SLK: variants seen among roughly 807,000 people sequenced by gnomAD.
The protein encoded by SLK is STE20 like kinase.
In SLK, 67 loss-of-function variants were observed where a neutral mutation model predicts 147.7. The ratio of observed to expected loss-of-function variants is 0.45; its 90% CI spans 0.37 to 0.56. The LOEUF (loss-of-function observed/expected upper bound fraction) is 0.56, where lower values mean the gene tolerates loss of function less well. SLK is among the 20% of genes least tolerant of loss of function. SLK has a pLI of 0.00. For missense variants in SLK, 1,136 were observed against 1,438.8 expected, an observed-to-expected ratio of 0.79 and a Z score of 3.41; for synonymous variants, 441 against 475.0, an observed-to-expected ratio of 0.93 and a Z score of 0.93.
At chr10:104,009,178 A>G (rs1406570998) in intron 12 of SLK, among the ~76,000 whole-genome samples, 2 of 152,144 alleles carry the variant, frequency 1.3e-5, no homozygotes, top group African/African-American at 4.8e-5. Context: ...ATTTATTAAC[A>G]TCTTCAGTAT....
chr10:104,004,965 A>G (rs1160630129), intron 9 of SLK, among the ~76,000 whole-genome samples: 14 of 152,228 alleles, frequency 9.2e-5, no homozygotes, highest in Middle Eastern at 3.4e-3. Context: ...AATCATACAT[A>G]TATCTCTGGC....
At chr10:103,969,416 A>G (rs1843764246) in intron 1 of SLK, among the ~76,000 whole-genome samples, 1 of 152,226 alleles carries the variant, frequency 6.6e-6, no homozygotes, top group Non-Finnish European at 1.5e-5. Flanking sequence ...CATGGCTATT[A>G]TAGCACTTGT....
intron 2 of SLK, 37 bp downstream of exon 2, chr10:103,990,876 A>C: frequency 7.6e-7 from 1 of 1,313,578 alleles, no homozygotes; most frequent in South Asian, 1.8e-5. Context: ...AGTAGCCAAA[A>C]TGAGTTAATT....
At chr10:103,985,295 C>A (rs779894468) in intron 1 of SLK, among the ~76,000 whole-genome samples, 1 of 152,134 alleles carries the variant, frequency 6.6e-6, no homozygotes, top group Non-Finnish European at 1.5e-5. Context: ...GGCTGTATTA[C>A]GTTTCTTTTC....
intron 13 of SLK, among the ~76,000 whole-genome samples, chr10:104,016,185 G>A (rs374071291): frequency 3.3e-5 from 5 of 152,064 alleles, no homozygotes; most frequent in Non-Finnish European, 7.4e-5. Context: ...TGGGCGTGGT[G>A]GTGGGCGCCT....
intron 1 of SLK, among the ~76,000 whole-genome samples, chr10:103,986,187 G>A (rs1844009952): frequency 6.6e-6 from 1 of 152,018 alleles, no homozygotes; most frequent in African/African-American, 2.4e-5. Context: ...ATTCAAGTGT[G>A]TTATGTTTAT....
chr10:104,016,282 G>A (rs944736735), intron 13 of SLK, among the ~76,000 whole-genome samples: 5 of 151,498 alleles, frequency 3.3e-5, no homozygotes, highest in Non-Finnish European at 5.9e-5. Context: ...CCGTGCCACT[G>A]CATTCCAGCC....
intron 1 of SLK, among the ~76,000 whole-genome samples, chr10:103,970,815 G>C (rs1843783023): frequency 6.6e-6 from 1 of 152,194 alleles, no homozygotes; most frequent in Non-Finnish European, 1.5e-5. Context: ...AGATGAGGTT[G>C]AGTATCCCAT....
rs139854509 is a variant in SLK at position 104,023,081 on chromosome 10, G to A, written c.3561+1348G>A. ...CACCCTAGTTGAACTAGTTGACAGT[G>A]GTCACAAGTGAGTTGCTAATAGTCA... On this transcript the variant is annotated intron_variant, in intron 18 of 18. Coordinates refer to ENST00000369755, the MANE Select transcript of SLK (RefSeq NM_014720.4). Among the ~76,000 whole-genome samples the A allele has an allele frequency of 4.6e-3, 693 of 152,284 alleles. 3 individuals are homozygous for A. The highest frequency in any genetic ancestry group is 0.017 in the Middle Eastern group (5 of 294).
In SLK at chr10:103,990,699, T is replaced by C. The variant is rs1844080901; in HGVS notation, c.175T>C (p.Leu59=). The change falls in exon 2 of 19, where the codon TTA becomes CTA. Residue 59 remains leucine, a synonymous_variant. Coordinates refer to ENST00000369755, the MANE Select transcript of SLK (RefSeq NM_014720.4). ...GGCCCAGAATAAAGAGACCAGTGTTTTAGCTGCTGCAAAAGTGATTGACAC... is the reference window on the plus strand; with the variant it reads ...GGCCCAGAATAAAGAGACCAGTGTTCTAGCTGCTGCAAAAGTGATTGACAC... ...YKAQNKETSV[L]AAAKVIDTKS... is the part of the protein sequence containing the mutation. The C allele has an allele frequency of 3.2e-6, 5 of 1,568,190 alleles. No individual in the cohort carries two copies. The highest frequency in any genetic ancestry group is 3.4e-6 in the Non-Finnish European group (4 of 1,161,486).
At chr10:103,969,500 C>A (rs1843765211) in intron 1 of SLK, among the ~76,000 whole-genome samples, 1 of 152,184 alleles carries the variant, frequency 6.6e-6, no homozygotes, top group Non-Finnish European at 1.5e-5. Flanking sequence ...TATTTGGGTT[C>A]ATTCACTGCC....
chr10:103,976,131 A>G (rs1275708850), intron 1 of SLK, among the ~76,000 whole-genome samples: 2 of 152,000 alleles, frequency 1.3e-5, no homozygotes, highest in African/African-American at 4.8e-5. Flanking sequence ...TCAAATTCTT[A>G]GGCTCAAGTG....
Position 104,028,563 on chromosome 10 carries a change from T to A in SLK, c.*2843T>A, listed in dbSNP as rs1844627158. The A allele has an allele frequency of 6.6e-6, 1 of 152,186 alleles. No individual in the cohort carries two copies. The highest frequency in any genetic ancestry group is 6.5e-5 in the Admixed American group (1 of 15,276). 9.4% of individuals were successfully genotyped at this position (152,186 alleles called of 1,614,324 possible). On this transcript the variant is annotated 3_prime_UTR_variant, in exon 19 of 19. Transcript: ENST00000369755. ...TGTGACAGGATACAGCAAATTATAA[T>A]TAAATATAAATTACCAGAACCAGAG...
At chr10:103,999,790 CA>C in intron 6 of SLK, 76 bp from the exon 7 acceptor site, 1 of 613,612 alleles carries the variant, frequency 1.6e-6, no homozygotes, top group Non-Finnish European at 2.9e-6. Context: ...GAAACTTAAG[CA>C]TAACTTATCA....
Position 103,999,807 on chromosome 10 carries a change from TTTTG to T in SLK, c.783-56_783-53del. The T allele has an allele frequency of 4.2e-6, 3 of 709,358 alleles. No individual in the cohort carries two copies. In the South Asian group the frequency reaches 5.5e-5, roughly 13 times the overall value. 43.9% of individuals were successfully genotyped at this position (709,358 alleles called of 1,614,324 possible). A position where few individuals can be genotyped will look rare whatever the true frequency, so the allele number is the denominator to read the frequency against. On this transcript the variant is annotated intron_variant, in intron 6 of 18. Transcript: ENST00000369755. ...AACTTAAGCATAACTTATCAAAGAG[TTTTG>T]TTTAATTTGATTAACAAGAAAGTAA...
chr10:103,987,153 C>T (rs1183317598), intron 1 of SLK, among the ~76,000 whole-genome samples: 1 of 151,910 alleles, frequency 6.6e-6, no homozygotes, highest in Admixed American at 6.6e-5. Context: ...ATGTTATTTT[C>T]AAGCAATAAT....
chr10:104,016,044 C>T (rs766567140), intron 13 of SLK, among the ~76,000 whole-genome samples: 16 of 151,944 alleles, frequency 1.1e-4, no homozygotes, highest in Admixed American at 3.3e-4. Flanking sequence ...TGAGGCTGGG[C>T]GCGTTGGCTC....
At position 103,996,277 on chromosome 10, in the gene SLK, C is replaced by T. The variant is rs561571712; in HGVS notation, c.515-2622C>T. On this transcript the variant is annotated intron_variant, in intron 4 of 18. Coordinates refer to ENST00000369755, the MANE Select transcript of SLK (RefSeq NM_014720.4). ...TCATGAAGTGTTGTTGTTGAAAAGTCTGATAATCTGAATTTCTTCATTGTA... is the reference window on the plus strand; with the variant it reads ...TCATGAAGTGTTGTTGTTGAAAAGTTTGATAATCTGAATTTCTTCATTGTA... Among the ~76,000 whole-genome samples, 46 of 149,518 alleles carry T rather than the reference C, an allele frequency of 3.1e-4. No homozygotes were observed. The South Asian group carries it at 9.5e-3, about 31-fold the overall frequency.
Position 104,027,760 on chromosome 10 carries a change from C to T in SLK, c.*2040C>T, listed in dbSNP as rs1844617410. On this transcript the variant is annotated 3_prime_UTR_variant, in exon 19 of 19. Coordinates refer to ENST00000369755, the MANE Select transcript of SLK (RefSeq NM_014720.4). ...CCTGTGCGCTAAATAGTGTGTGGTG[C>T]CTGATTAATTTGGTCTGAATATTTG... is the stretch of plus-strand genomic sequence containing the variant. 6.6e-6 allele frequency: 1 copy of T among 151,992 alleles called. No individual in the cohort carries two copies. Among genetic ancestry groups the T allele is most frequent in the Non-Finnish European group, 1.5e-5 (1 of 67,998 alleles). 9.4% of individuals were successfully genotyped at this position (151,992 alleles called of 1,614,324 possible). A position where few individuals can be genotyped will look rare whatever the true frequency, so the allele number is the denominator to read the frequency against.
Sources: gnomAD v4.1 joint callset for allele counts (sites outside exome capture counted in the v4.1 genomes callset) on GRCh38, gnomAD v4.1.1 for gene constraint, MANE v1.5 for transcripts, NCBI Gene and HGNC (gene_info 2026-07-23, HGNC 2026-07-21) for gene names.